Variants in CLCN6 observed in about 807,000 individuals in gnomAD.
The protein encoded by CLCN6 is Cl-/H+ antiporter 6.
CLCN6 carries 70 observed loss-of-function variants against 109.8 expected under a neutral mutation model. The observed-to-expected ratio is 0.64, with a 90% CI of 0.53 to 0.78. The LOEUF is 0.78. CLCN6 is among the 30% of genes least tolerant of loss of function. CLCN6 has a pLI of 0.00. For synonymous variants in CLCN6, 444 were observed against 447.8 expected, an observed-to-expected ratio of 0.99 and a Z score of 0.11; for missense variants, 984 against 1,142.3, an observed-to-expected ratio of 0.86 and a Z score of 2.00.
At chr1:11,826,123 G>A (rs763589882) in intron 8 of CLCN6, 33 bp from the exon 9 acceptor site, 1 of 1,542,296 alleles carries the variant, frequency 6.5e-7, no homozygotes. Flanking sequence ...ATATGAGTAG[G>A]CTCTTTAGTG....
chr1:11,819,853 A>C (rs764105273), intron 5 of CLCN6, among the ~76,000 whole-genome samples: 9 of 152,228 alleles, frequency 5.9e-5, no homozygotes, highest in Admixed American at 1.3e-4. Flanking sequence ...GGAACTCAGA[A>C]ATTCTTTGTA....
rs539145591 is a variant in CLCN6 at position 11,834,361 on chromosome 1, T to C, written c.1652T>C (p.Ile551Thr). ...TVILIESTNE[I>T]TYGLPIMVTL... ...ATCCTGATCGAGTCCACCAATGAGA[T>C]CACCTACGGGCTCCCCATCATGGTC... The change falls in exon 16 of 23, where the codon ATC becomes ACC. Residue 551 changes from isoleucine (I) to threonine (T), a missense_variant. Ile to Thr is a moderately conservative substitution (Grantham distance 89). Coordinates refer to ENST00000346436, the MANE Select transcript of CLCN6 (RefSeq NM_001286.5). This position sits in a 1 kb window ranked among gnomAD's most constrained non-coding sequence, Gnocchi z 4.5. 2 of 1,613,998 alleles carry C rather than the reference T, an allele frequency of 1.2e-6. No homozygotes were observed. The highest frequency in any genetic ancestry group is 4.5e-5 in the East Asian group (2 of 44,854).
At chr1:11,822,848 C>G (rs1023067871) in intron 6 of CLCN6, 47 bp downstream of exon 6, 3 of 1,190,202 alleles carry the variant, frequency 2.5e-6, no homozygotes, top group Admixed American at 1.7e-5. Flanking sequence ...TTTTAGAGTC[C>G]CGCACTCCTT....
At chr1:11,816,704 A>T (rs1306099878) in intron 4 of CLCN6, 24 bp downstream of exon 4, 21 of 1,600,220 alleles carry the variant, frequency 1.3e-5, no homozygotes, top group Non-Finnish European at 1.8e-5. Context: ...GCCTGGAGGG[A>T]TGGTGGGCCA....
In CLCN6 at chr1:11,806,284, C is replaced by T. The variant is rs150143694; in HGVS notation, c.22C>T (p.Leu8=). The T allele has an allele frequency of 1.8e-5, 27 of 1,502,310 alleles. No homozygotes were observed. The highest frequency in any genetic ancestry group is 1.7e-4 in the Middle Eastern group (1 of 5,756). The allele number at this position is 1,502,310 out of a possible 1,614,324, so 93.1% of individuals were successfully genotyped here. A position where few individuals can be genotyped will look rare whatever the true frequency, so the allele number is the denominator to read the frequency against. Residue 8 remains leucine (L), a synonymous_variant, in exon 1 of 23, where the codon CTG becomes TTG. Coordinates refer to ENST00000346436, the MANE Select transcript of CLCN6 (RefSeq NM_001286.5). MAGCRGS[L]CCCCRWCCCC... ...GAAGATGGCGGGGTGCAGGGGGTCT[C>T]TGTGCTGCTGCTGCAGGTGGTGCTG...
chr1:11,834,383 G>C lies in CLCN6; in HGVS notation c.1674G>C (p.Met558Ile), dbSNP rs774798057. The C allele has an allele frequency of 6.2e-7, 1 of 1,614,016 alleles. No individual in the cohort carries two copies. Among genetic ancestry groups the C allele is most frequent in the Non-Finnish European group, 8.5e-7 (1 of 1,179,958 alleles). The change falls in exon 16 of 23, where the codon ATG becomes ATC. Residue 558 changes from methionine (M) to isoleucine (I), a missense_variant. Physicochemically the swap from Met to Ile is conservative, Grantham distance 10 (BLOSUM62 1). Transcript: ENST00000346436. This position sits in a 1 kb window ranked among gnomAD's most constrained non-coding sequence, Gnocchi z 4.5. ...TNEITYGLPIMVTLMVAKWTG... is the reference protein window; with the variant it reads ...TNEITYGLPIIVTLMVAKWTG... ...AGATCACCTACGGGCTCCCCATCAT[G>C]GTCACACTGATGGTGAGCACACTCC...
Position 11,842,008 on chromosome 1 carries a change from C to G in CLCN6, c.*1785C>G, listed in dbSNP as rs1275651506. The G allele has an allele frequency of 6.6e-6, 1 of 152,240 alleles. No individual in the cohort carries two copies. Among genetic ancestry groups the G allele is most frequent in the East Asian group, 1.9e-4 (1 of 5,206 alleles). 9.4% of individuals were successfully genotyped at this position (152,240 alleles called of 1,614,324 possible). ...AATGTTACTATTTGGCCAGCTGCTG[C>G]TGTGTTTTATGGCAGTGTTCAGAGC... On this transcript the variant is annotated 3_prime_UTR_variant, in exon 23 of 23. Transcript: ENST00000346436.
intron 8 of CLCN6, among the ~76,000 whole-genome samples, chr1:11,824,778 A>G (rs1267899303): frequency 6.6e-6 from 1 of 152,150 alleles, no homozygotes; most frequent in Non-Finnish European, 1.5e-5. Context: ...ACATAGAGAA[A>G]AACTGTGACG....
intron 4 of CLCN6, among the ~76,000 whole-genome samples, chr1:11,817,059 A>G (rs964322584): frequency 6.6e-6 from 1 of 152,160 alleles, no homozygotes; most frequent in Non-Finnish European, 1.5e-5. Context: ...TGCATTGGGT[A>G]GAGTAAATAA....
At chr1:11,840,093 C>A (rs199930121) in intron 22 of CLCN6, 50 bp from the exon 23 acceptor site, 1 of 1,498,056 alleles carries the variant, frequency 6.7e-7, no homozygotes, top group Non-Finnish European at 9.3e-7. Flanking sequence ...CTCCTGTTCT[C>A]GCCAGCGGGT....
At chr1:11,823,661 A>G (rs761207719) in intron 6 of CLCN6, 46 bp from the exon 7 acceptor site, 5 of 1,613,458 alleles carry the variant, frequency 3.1e-6, no homozygotes, top group Non-Finnish European at 4.2e-6. Flanking sequence ...TAAGCCAGAG[A>G]ACCAATGGAT....
chr1:11,815,365 A>G (rs540072946), intron 2 of CLCN6, among the ~76,000 whole-genome samples: 37 of 152,334 alleles, frequency 2.4e-4, no homozygotes, highest in African/African-American at 7.0e-4. Flanking sequence ...CTGGGGCTGC[A>G]GGGCTGCAGG....
At chr1:11,807,079 C>A in intron 1 of CLCN6, 52 bp from the exon 2 acceptor site, 1 of 1,489,774 alleles carries the variant, frequency 6.7e-7, no homozygotes, top group Non-Finnish European at 9.4e-7. Context: ...CTTCTGCCTC[C>A]TTCCACTCCT....
chr1:11,808,227 T>TGTGTG (rs1644548460), intron 2 of CLCN6, among the ~76,000 whole-genome samples: 2 of 139,160 alleles, frequency 1.4e-5, no homozygotes, highest in Non-Finnish European at 3.1e-5. Flanking sequence ...GTGTGTGTGT[T>TGTGTG]TGTGTGTGTG....
At chr1:11,823,648 G>A in intron 6 of CLCN6, 59 bp from the exon 7 acceptor site, 1 of 1,612,112 alleles carries the variant, frequency 6.2e-7, no homozygotes. Flanking sequence ...AGATTGTTGA[G>A]GGTAAGCCAG....
Position 11,829,202 on chromosome 1 carries a change from A to C in CLCN6, c.1128A>C (p.Leu376Phe). 6.2e-7 allele frequency: 1 copy of C among 1,613,968 alleles called. No homozygotes were observed. Among genetic ancestry groups the C allele is most frequent in the Non-Finnish European group, 8.5e-7 (1 of 1,179,932 alleles). The change falls in exon 13 of 23, where the codon TTA becomes TTC. Residue 376 changes from leucine (L) to phenylalanine (F), a missense_variant. Transcript: ENST00000346436. ...VHPKPKLVRVLESLLVSLVTT... is the reference protein window; with the variant it reads ...VHPKPKLVRVFESLLVSLVTT... ...GCTGTGCTTTGCCTCCTAGAGTCTT[A>C]GAGAGCCTCCTTGTGTCTCTGGTAA...
At chr1:11,824,754 G>A (rs1644790797) in intron 8 of CLCN6, among the ~76,000 whole-genome samples, 2 of 152,190 alleles carry the variant, frequency 1.3e-5, no homozygotes, top group African/African-American at 2.4e-5. Context: ...CCGAGCCCTA[G>A]GAGCAAAAAT....
chr1:11,806,426 C>T lies in CLCN6; in HGVS notation c.87+77C>T. 5 of 1,350,386 alleles carry T rather than the reference C, an allele frequency of 3.7e-6. No individual in the cohort carries two copies. In the South Asian group the frequency reaches 7.8e-5, roughly 21 times the overall value. The allele number at this position is 1,350,386 out of a possible 1,614,324, so 83.7% of individuals were successfully genotyped here. ...AGAGAGGCGTTGCCGGGGGTGGGGC[C>T]GGGCCAATCTGGGCCCGCAGGTGGC... On this transcript the variant is annotated intron_variant, in intron 1 of 22. Transcript: ENST00000346436.
chr1:11,806,922 C>T (rs1321300831), intron 1 of CLCN6: 1 of 571,250 alleles, frequency 1.8e-6, no homozygotes, highest in Non-Finnish European at 3.1e-6. Context: ...TATTTGGAGA[C>T]TATCAGTGGA....
Sources: allele counts gnomAD v4.1 joint callset (sites outside exome capture counted in the v4.1 genomes callset), GRCh38; gene constraint gnomAD v4.1.1; non-coding constraint Gnocchi (gnomAD v3.1); transcripts MANE v1.5; gene names NCBI Gene and HGNC (gene_info 2026-07-23, HGNC 2026-07-21).